Variants in SLC2A9 observed in about 807,000 individuals in gnomAD.
SLC2A9 encodes the protein solute carrier family 2 member 9.
SLC2A9 carries 39 observed loss-of-function variants against 50.6 expected under a neutral mutation model. That is an observed-to-expected ratio of 0.77 (90% CI 0.60 to 1.01). SLC2A9 has a LOEUF of 1.01. Among genes scored for constraint, SLC2A9 ranks in the 50% least tolerant of loss-of-function variants. The pLI is 0.00. For missense variants in SLC2A9, 686 were observed against 677.6 expected (o/e 1.01, Z -0.14); for synonymous variants, 324 against 276.9 (o/e 1.17, Z -1.69).
downstream of SLC2A9, among the ~76,000 whole-genome samples, chr4:9,775,638 A>T (rs1717452300): frequency 6.6e-6 from 1 of 151,608 alleles, no homozygotes. Flanking sequence ...GTCCCTCCCC[A>T]CACCCACCGA....
At chr4:9,947,752 A>G (rs1749462516) in intron 5 of SLC2A9, among the ~76,000 whole-genome samples, 2 of 151,970 alleles carry the variant, frequency 1.3e-5, no homozygotes, top group Non-Finnish European at 2.9e-5. Flanking sequence ...AGAGCCAGGT[A>G]TCAGACAACT....
At chr4:9,915,462 C>T (rs1369227281) in intron 7 of SLC2A9, among the ~76,000 whole-genome samples, 1 of 152,128 alleles carries the variant, frequency 6.6e-6, no homozygotes, top group East Asian at 1.9e-4. Flanking sequence ...TCTTGAACTC[C>T]CGACCTCAAG....
chr4:9,792,186 T>G, intron 3 of SLC2A9, among the ~76,000 whole-genome samples: 1 of 138,452 alleles, frequency 7.2e-6, no homozygotes, highest in East Asian at 2.3e-4. Flanking sequence ...TTTTTTTTTT[T>G]GTGGCAGGGA....
At chr4:9,858,755 A>G (rs1490278066) in intron 10 of SLC2A9, among the ~76,000 whole-genome samples, 3 of 152,178 alleles carry the variant, frequency 2.0e-5, no homozygotes, top group African/African-American at 7.2e-5. Flanking sequence ...GATGCAAAGT[A>G]TTGTTCCTGG....
upstream of SLC2A9, among the ~76,000 whole-genome samples, chr4:10,022,951 C>T (rs1381415374): frequency 2.0e-5 from 3 of 152,274 alleles, no homozygotes; most frequent in Middle Eastern, 6.8e-3. Flanking sequence ...TCAGGCATGC[C>T]CCGGGAGAAG....
At chr4:10,021,183 C>T (rs369828136) in intron 1 of SLC2A9, 97 bp downstream of exon 1, 14 of 1,311,332 alleles carry the variant, frequency 1.1e-5, no homozygotes, top group African/African-American at 2.9e-5. Flanking sequence ...CCCAGCTACA[C>T]GCTGCCAGGC....
At chr4:9,979,967 T>C (rs1003005850) in intron 5 of SLC2A9, among the ~76,000 whole-genome samples, 1 of 152,120 alleles carries the variant, frequency 6.6e-6, no homozygotes, top group Non-Finnish European at 1.5e-5. Context: ...CAGGAGTCCA[T>C]TTAGAGGCCA....
At chr4:9,870,520 G>C (rs1474591867) in intron 10 of SLC2A9, among the ~76,000 whole-genome samples, 1 of 152,224 alleles carries the variant, frequency 6.6e-6, no homozygotes, top group Non-Finnish European at 1.5e-5. Context: ...ATCTTTCTCA[G>C]AGCAGCATTT....
intron 7 of SLC2A9, among the ~76,000 whole-genome samples, chr4:9,912,649 T>A (rs1368348871): frequency 6.6e-6 from 1 of 152,218 alleles, no homozygotes; most frequent in East Asian, 1.9e-4. Context: ...AACATCCCAT[T>A]TACTTTTGCC....
intron 11 of SLC2A9, among the ~76,000 whole-genome samples, chr4:9,832,460 G>A (rs1319233431): frequency 1.3e-5 from 2 of 152,174 alleles, no homozygotes; most frequent in African/African-American, 4.8e-5. Flanking sequence ...GTCTCCATCT[G>A]TATGTCCAGC....
At chr4:9,801,384 C>T (rs796159643) in intron 3 of SLC2A9, among the ~76,000 whole-genome samples, 5 of 152,340 alleles carry the variant, frequency 3.3e-5, no homozygotes, top group African/African-American at 1.2e-4. Flanking sequence ...GCAGTAGCTA[C>T]CGCTAACTGA....
chr4:9,841,272 C>G (rs1728045350), intron 10 of SLC2A9, among the ~76,000 whole-genome samples: 1 of 152,172 alleles, frequency 6.6e-6, no homozygotes, highest in South Asian at 2.1e-4. Context: ...TGTGTTGGAT[C>G]AGCTTTGTTT....
At chr4:9,779,613 A>C (rs926151127), downstream of SLC2A9, among the ~76,000 whole-genome samples, 5 of 151,718 alleles carry the variant, frequency 3.3e-5, no homozygotes, top group Non-Finnish European at 7.4e-5. Flanking sequence ...AGGGAGTTTC[A>C]CCATGTTAGC....
At chr4:9,898,287 T>C (rs1738939200) in intron 8 of SLC2A9, among the ~76,000 whole-genome samples, 2 of 152,198 alleles carry the variant, frequency 1.3e-5, no homozygotes, top group Admixed American at 6.5e-5. Context: ...TCCAAATATG[T>C]ACAACTATTA....
intron 6 of SLC2A9, among the ~76,000 whole-genome samples, chr4:9,929,469 C>T (rs1403829699): frequency 6.6e-6 from 1 of 152,226 alleles, no homozygotes; most frequent in Non-Finnish European, 1.5e-5. Context: ...GGGGTATTAA[C>T]TCCCTGAATG....
At chr4:9,811,215 C>T (rs552561629) in intron 3 of SLC2A9, among the ~76,000 whole-genome samples, 1 of 152,318 alleles carries the variant, frequency 6.6e-6, no homozygotes, top group Admixed American at 6.5e-5. Flanking sequence ...GGGTGGTAGA[C>T]AGTTTGCAAA....
chr4:9,784,407 C>A lies in SLC2A9; in HGVS notation n.386-4342G>T, dbSNP rs376366913. 2.6e-5 allele frequency among the ~76,000 whole-genome samples: 4 copies of A among 152,274 alleles called. No individual in the cohort carries two copies. In the East Asian group the frequency reaches 5.8e-4, roughly 22 times the overall value. On this transcript the variant is annotated intron_variant and non_coding_transcript_variant, in intron 3 of 3. Coordinates refer to the SLC2A9 transcript ENST00000503803. The stretch of plus-strand genomic sequence containing the variant: ...ATATCTTGAATCTTTCTCCATCTGA[C>A]AACTGTAGCATGTTTTAGAATGACA...
rs186404460 is a variant in SLC2A9 at position 9,908,541 on chromosome 4, T to G, written c.1003-196A>C. ...ACTTTTTTTCCTTATTTTATTATTTTATTTTTTATTTATATATATATTTTA... is the reference window on the plus strand; with the variant it reads ...ACTTTTTTTCCTTATTTTATTATTTGATTTTTTATTTATATATATATTTTA... On this transcript the variant is annotated intron_variant, in intron 7 of 11. Transcript: ENST00000264784. Among the ~76,000 whole-genome samples the G allele has an allele frequency of 1.5e-3, 212 of 142,834 alleles. 2 individuals carry two copies. Among genetic ancestry groups the G allele is most frequent in the Non-Finnish European group, 6.2e-4 (41 of 66,224 alleles). The allele number at this position is 142,834 out of a possible 152,430, so 93.7% of individuals were successfully genotyped here.
intron 3 of SLC2A9, among the ~76,000 whole-genome samples, chr4:9,810,949 T>C (rs982023939): frequency 6.6e-6 from 1 of 152,204 alleles, no homozygotes; most frequent in African/African-American, 2.4e-5. Flanking sequence ...TAGCGATAGT[T>C]GTGTCTTCCA....
Sources: gnomAD v4.1 joint callset for allele counts (sites outside exome capture counted in the v4.1 genomes callset) on GRCh38, gnomAD v4.1.1 for gene constraint, MANE v1.5 for transcripts, NCBI Gene and HGNC (gene_info 2026-07-23, HGNC 2026-07-21) for gene names.